The following SPTA1 variants were observed in gnomAD, a reference collection of about 807,000 sequenced individuals.
SPTA1 encodes spectrin alpha, erythrocytic 1, also known as spectrin alpha chain, erythrocytic 1.
In SPTA1, 177 loss-of-function variants were observed where a neutral mutation model predicts 324.7. The ratio of observed to expected loss-of-function variants is 0.55; its 90% CI spans 0.48 to 0.62. The LOEUF (loss-of-function observed/expected upper bound fraction) is 0.62, where lower values mean the gene tolerates loss of function less well. SPTA1 is among the 20% of genes least tolerant of loss of function. SPTA1 has a pLI of 0.00. For synonymous variants in SPTA1, 1,195 were observed against 1,041.3 expected (o/e 1.15, Z -2.84); for missense variants, 3,162 against 2,883.6 (o/e 1.10, Z -2.21).
intron 3 of SPTA1, among the ~76,000 whole-genome samples, chr1:158,682,016 A>G (rs1396316111): frequency 6.6e-6 from 1 of 152,206 alleles, no homozygotes; most frequent in Non-Finnish European, 1.5e-5. Context: ...AATCATAAGC[A>G]TAACATGTTC....
At chr1:158,612,429 T>A (rs1649315119) in intron 51 of SPTA1, 1 of 277,534 alleles carries the variant, frequency 3.6e-6, no homozygotes, top group Admixed American at 5.0e-5. Flanking sequence ...TCTGTTACAG[T>A]GTTTTTAACT....
In SPTA1 at chr1:158,659,595, A is replaced by ATTATTTTTTTTTTTTTTTTTTTTTTTTTT. The variant is rs1345384278; in HGVS notation, c.2587+1691_2587+1692insAAAAAAAAAAAAAAAAAAAAAAAAAATAA. Reference sequence around the variant, plus strand: ...AAAAGAAAATAATAGTCTTAGCATTATTTTTTTTTTTTTTTTTTTTTTTTT... The same window carrying ATTATTTTTTTTTTTTTTTTTTTTTTTTTT: ...AAAAGAAAATAATAGTCTTAGCATTATTATTTTTTTTTTTTTTTTTTTTTTTTTTTTTTTTTTTTTTTTTTTTTTTTTTT... On this transcript the variant is annotated intron_variant, in intron 18 of 51. Coordinates refer to ENST00000643759, the MANE Select transcript of SPTA1 (RefSeq NM_003126.4). 1.0e-4 allele frequency among the ~76,000 whole-genome samples: 7 copies of ATTATTTTTTTTTTTTTTTTTTTTTTTTTT among 68,716 alleles called. 1 individual carries two copies. The highest frequency in any genetic ancestry group is 2.0e-4 in the Non-Finnish European group (6 of 30,038). 45.1% of individuals were successfully genotyped at this position (68,716 alleles called of 152,430 possible).
chr1:158,648,475 A>G (rs1407674724), intron 26 of SPTA1, 34 bp downstream of exon 26: 3 of 1,613,490 alleles, frequency 1.9e-6, no homozygotes, highest in Non-Finnish European at 2.5e-6. Context: ...ATAGACTGGA[A>G]AGTGTTGGAA....
intron 33 of SPTA1, among the ~76,000 whole-genome samples, chr1:158,642,060 C>CA (rs942295487): frequency 1.4e-4 from 21 of 151,644 alleles, no homozygotes; most frequent in Admixed American, 1.1e-3. Context: ...ATCACAAGGA[C>CA]AAAAAACCAA....
In SPTA1 at chr1:158,671,436, C is replaced by T. The variant is rs1211394333; in HGVS notation, c.1506G>A (p.Glu502=). The T allele has an allele frequency of 6.2e-7, 1 of 1,612,930 alleles. No homozygotes were observed. The highest frequency in any genetic ancestry group is 8.5e-7 in the Non-Finnish European group (1 of 1,179,868). ...CACTGCCCAGTGAGTTTCCCAGATC[C>T]TCGTTTTCCAGGAAGGCCTGTAGAA... The part of the protein sequence containing the change: ...MSRQEAFLEN[E]DLGNSLGSAE... Residue 502 remains glutamate, a synonymous_variant, in exon 12 of 52, where the codon GAG becomes GAA. Coordinates refer to ENST00000643759, the MANE Select transcript of SPTA1 (RefSeq NM_003126.4).
At chr1:158,647,801 T>TTCAGC in intron 26 of SPTA1, 81 bp from the exon 27 acceptor site, 1 of 1,471,434 alleles carries the variant, frequency 6.8e-7, no homozygotes, top group South Asian at 1.2e-5. Context: ...AGTCCCAGTA[T>TTCAGC]TCAGCTCCTC....
At chr1:158,635,326 G>T (rs1391648167) in intron 38 of SPTA1, among the ~76,000 whole-genome samples, 1 of 138,320 alleles carries the variant, frequency 7.2e-6, no homozygotes, top group Admixed American at 7.6e-5. Context: ...GCCCCCGCCC[G>T]CTCCCTGCCT....
chr1:158,659,166 G>T (rs1386121618), intron 18 of SPTA1, among the ~76,000 whole-genome samples: 3 of 151,902 alleles, frequency 2.0e-5, no homozygotes, highest in Admixed American at 6.6e-5. Context: ...GAATTATAGG[G>T]TATATAACAT....
At chr1:158,652,781 G>A (rs1462677716) in intron 22 of SPTA1, 128 bp from the exon 23 acceptor site, 9 of 1,060,784 alleles carry the variant, frequency 8.5e-6, no homozygotes, top group Non-Finnish European at 1.1e-5. Flanking sequence ...CAAAAGAATA[G>A]TAGAAGAGAG....
rs1653494191 is a variant in SPTA1, at chr1:158,665,020, T to C, written c.2220+1296A>G. Among the ~76,000 whole-genome samples, 4 of 152,148 alleles carry C rather than the reference T, an allele frequency of 2.6e-5. No individual in the cohort carries two copies. The South Asian group carries it at 8.3e-4, about 32-fold the overall frequency. On this transcript the variant is annotated intron_variant, in intron 16 of 51. Coordinates refer to ENST00000643759, the MANE Select transcript of SPTA1 (RefSeq NM_003126.4). Reference sequence around the variant, plus strand: ...TGAAGATCTTTTTCAACTTTAACATTCTATATCTAAAATTTCCTTTGCATG... The same window carrying C: ...TGAAGATCTTTTTCAACTTTAACATCCTATATCTAAAATTTCCTTTGCATG...
intron 48 of SPTA1, 82 bp downstream of exon 48, chr1:158,615,134 A>T: frequency 1.3e-6 from 2 of 1,527,904 alleles, no homozygotes. Context: ...TATCTGGTGC[A>T]CCAAACTCTC....
At chr1:158,678,614 A>G (rs1456783483) in intron 5 of SPTA1, 80 bp from the exon 6 acceptor site, 2 of 1,500,730 alleles carry the variant, frequency 1.3e-6, no homozygotes, top group Non-Finnish European at 1.8e-6. Context: ...TTCATTTTAC[A>G]TTAGTTCATA....
Position 158,668,005 on chromosome 1 carries a change from C to T in SPTA1, c.1891G>A (p.Ala631Thr). ...TTTTCCAGCTGGGTCTTATTAACTGCCAACTCCTTTTCAAAGACTTGCTGC... is the reference window on the plus strand; with the variant it reads ...TTTTCCAGCTGGGTCTTATTAACTGTCAACTCCTTTTCAAAGACTTGCTGC... ...QKQQVFEKEL[A>T]VNKTQLENIQ... Residue 631 changes from alanine to threonine, a missense_variant, in exon 15 of 52, where the codon GCA becomes ACA. Coordinates refer to ENST00000643759, the MANE Select transcript of SPTA1 (RefSeq NM_003126.4). The T allele has an allele frequency of 6.2e-7, 1 of 1,613,514 alleles. No homozygotes were observed. The highest frequency in any genetic ancestry group is 2.2e-5 in the East Asian group (1 of 44,852).
chr1:158,671,400 A>C lies in SPTA1; in HGVS notation c.1542T>G (p.Leu514=). ...CCTCAAAGTCTTCATGCTTCTGAAG[A>C]AGGGCTTCTGCACTGCCCAGTGAGT... is the stretch of plus-strand genomic sequence containing the variant. ...LGNSLGSAEA[L]LQKHEDFEEA... The change falls in exon 12 of 52, where the codon CTT becomes CTG. Residue 514 remains leucine (L), a synonymous_variant. Transcript: ENST00000643759. 6.2e-7 allele frequency: 1 copy of C among 1,613,436 alleles called. No homozygotes were observed. The highest frequency in any genetic ancestry group is 8.5e-7 in the Non-Finnish European group (1 of 1,179,922).
chr1:158,634,465 A>G, intron 39 of SPTA1, 78 bp downstream of exon 39: 1 of 1,568,538 alleles, frequency 6.4e-7, no homozygotes, highest in South Asian at 1.1e-5. Context: ...TCCTAATATT[A>G]CAGGTAAAAA....
intron 23 of SPTA1, among the ~76,000 whole-genome samples, chr1:158,652,018 A>T (rs1402965011): frequency 6.6e-6 from 1 of 152,148 alleles, no homozygotes; most frequent in Non-Finnish European, 1.5e-5. Flanking sequence ...ATGGAAAAAA[A>T]TCTAAGGGAA....
intron 23 of SPTA1, among the ~76,000 whole-genome samples, chr1:158,651,880 GCTCTCTCTCT>G (rs60287443): frequency 1.5e-4 from 23 of 149,392 alleles, no homozygotes; most frequent in African/African-American, 5.7e-4. Context: ...TCTAGGGAGT[GCTCTCTCTCT>G]CTCTCTCTCT....
rs1365818917 is a variant in SPTA1, at chr1:158,666,428, A to G, written c.2108T>C (p.Leu703Pro). 2 of 1,613,604 alleles carry G rather than the reference A, an allele frequency of 1.2e-6. No individual in the cohort carries two copies. Among genetic ancestry groups the G allele is most frequent in the South Asian group, 2.2e-5 (2 of 91,084 alleles). ...ENNAEDLQRW[L>P]EDVEWQVTSE... The stretch of plus-strand genomic sequence containing the variant: ...GGTGACTTGCCACTCAACATCCTCC[A>G]GCCAGCGCTGCAAATCTTCTGCATT... Residue 703 changes from leucine (L) to proline (P), a missense_variant, in exon 16 of 52, where the codon CTG (leucine) becomes CCG (proline). Transcript: ENST00000643759.
intron 36 of SPTA1, 95 bp from the exon 37 acceptor site, chr1:158,636,856 T>C (rs1571413815): frequency 6.3e-7 from 1 of 1,599,728 alleles, no homozygotes; most frequent in African/African-American, 1.3e-5. Flanking sequence ...TGGCTGGTGG[T>C]GAGGGAGGTG....
Sources: allele counts gnomAD v4.1 joint callset (sites outside exome capture counted in the v4.1 genomes callset), GRCh38; gene constraint gnomAD v4.1.1; transcripts MANE v1.5; gene names NCBI Gene and HGNC (gene_info 2026-07-23, HGNC 2026-07-21).